The following PLA1A variants were observed in gnomAD, a reference collection of about 807,000 sequenced individuals.
The protein encoded by PLA1A is phosphatidylserine-specific phospholipase A1alpha.
A neutral mutation model predicts 49.4 loss-of-function variants in PLA1A; 47 were observed. The ratio of observed to expected loss-of-function variants is 0.95; its 90% CI spans 0.75 to 1.21. The LOEUF is 1.21. Among genes scored for constraint, PLA1A ranks in the 50% most tolerant of loss-of-function variants. The pLI, the probability that PLA1A is intolerant of heterozygous loss-of-function variation, is 0.00. For synonymous variants in PLA1A, 224 were observed against 207.9 expected (o/e 1.08, Z -0.67); for missense variants, 561 against 563.9 (o/e 0.99, Z 0.05).
At chr3:119,624,833 G>A (rs913822366) in intron 8 of PLA1A, among the ~76,000 whole-genome samples, 1 of 152,160 alleles carries the variant, frequency 6.6e-6, no homozygotes, top group Non-Finnish European at 1.5e-5. Flanking sequence ...GTTTCACCAT[G>A]TTGGTCAGAC....
intron 5 of PLA1A, among the ~76,000 whole-genome samples, 188 bp downstream of exon 5, chr3:119,613,306 T>C (rs545780296): frequency 1.3e-5 from 2 of 152,234 alleles, no homozygotes; most frequent in African/African-American, 4.8e-5. Context: ...CTGAGGTGAA[T>C]GGTTGTATTT....
At chr3:119,616,433 C>T (rs943033459) in intron 6 of PLA1A, among the ~76,000 whole-genome samples, 5 of 152,188 alleles carry the variant, frequency 3.3e-5, no homozygotes, top group African/African-American at 1.2e-4. Context: ...AAACAGTCCT[C>T]TAAAATTGTT....
chr3:119,624,991 G>A, intron 8 of PLA1A, 133 bp from the exon 9 acceptor site: 1 of 608,838 alleles, frequency 1.6e-6, no homozygotes, highest in Non-Finnish European at 3.0e-6. Flanking sequence ...TGAGATTATA[G>A]GTGATCTGCT....
At position 119,613,126 on chromosome 3, in the gene PLA1A, G is replaced by A; in HGVS notation, c.664+8G>A. 1 of 1,581,762 alleles carries A rather than the reference G, an allele frequency of 6.3e-7. No homozygotes were observed. The highest frequency in any genetic ancestry group is 8.6e-7 in the Non-Finnish European group (1 of 1,156,150). On this transcript the variant is annotated splice_region_variant and intron_variant, in intron 5 of 10. Coordinates refer to ENST00000273371, the MANE Select transcript of PLA1A (RefSeq NM_015900.4). ...TCCACACAGACACCGACAGTGAGCT[G>A]GGGTGACCTTCCTGGGATGAGGGAA...
intron 5 of PLA1A, among the ~76,000 whole-genome samples, chr3:119,615,768 G>A (rs534665818): frequency 4.3e-4 from 66 of 151,824 alleles, no homozygotes; most frequent in South Asian, 1.0e-3. Context: ...AGAAGATGGC[G>A]CCACTGCACT....
chr3:119,621,943 G>C (rs371374060), intron 8 of PLA1A, among the ~76,000 whole-genome samples: 1 of 152,146 alleles, frequency 6.6e-6, no homozygotes, highest in East Asian at 1.9e-4. Context: ...AGTAGGCCAG[G>C]TGCAGTGGCT....
chr3:119,617,218 T>G (rs959080161), intron 6 of PLA1A, among the ~76,000 whole-genome samples: 9 of 152,178 alleles, frequency 5.9e-5, no homozygotes, highest in Non-Finnish European at 1.3e-4. Flanking sequence ...GGCATATCAG[T>G]CATTTGGCCC....
In PLA1A at chr3:119,607,079, T is replaced by C. The variant is rs535602362; in HGVS notation, c.275+104T>C. 3.9e-5 allele frequency: 34 copies of C among 878,412 alleles called. No homozygotes were observed. The Admixed American group carries it at 5.3e-4, about 14-fold the overall frequency. 54.4% of individuals were successfully genotyped at this position (878,412 alleles called of 1,614,324 possible). On this transcript the variant is annotated intron_variant, in intron 2 of 10. Transcript: ENST00000273371. ...ACAAGGGGAGGAATGAATTTACCAA[T>C]GGCCACATGTTCCATCCCTCATATC... is the stretch of plus-strand genomic sequence containing the variant.
At chr3:119,602,411 G>A (rs1231492556) in intron 1 of PLA1A, among the ~76,000 whole-genome samples, 1 of 152,070 alleles carries the variant, frequency 6.6e-6, no homozygotes, top group East Asian at 1.9e-4. Flanking sequence ...CCATTTTCTA[G>A]CAAAATATCA....
intron 9 of PLA1A, among the ~76,000 whole-genome samples, chr3:119,627,858 C>T (rs529879908): frequency 7.2e-5 from 11 of 152,330 alleles, no homozygotes; most frequent in South Asian, 4.1e-4. Flanking sequence ...TTGAATCTCA[C>T]GATTTTTTGC....
At chr3:119,602,524 C>A (rs1454126295) in intron 1 of PLA1A, among the ~76,000 whole-genome samples, 4 of 152,068 alleles carry the variant, frequency 2.6e-5, no homozygotes, top group Non-Finnish European at 4.4e-5. Context: ...TTACTTTTAA[C>A]TTCCCTTTGT....
intron 1 of PLA1A, chr3:119,598,657 T>G (rs2082572987): frequency 6.6e-6 from 1 of 152,236 alleles, no homozygotes; most frequent in African/African-American, 2.4e-5. Flanking sequence ...ATCCCCTCCC[T>G]CTACTCACAA....
intron 1 of PLA1A, among the ~76,000 whole-genome samples, chr3:119,606,426 G>T (rs1237031829): frequency 6.6e-6 from 1 of 152,190 alleles, no homozygotes; most frequent in East Asian, 1.9e-4. Flanking sequence ...TCCAAATACA[G>T]TCACATTCTG....
intron 7 of PLA1A, among the ~76,000 whole-genome samples, chr3:119,618,479 A>T (rs563762925): frequency 9.5e-4 from 144 of 151,980 alleles, no homozygotes; most frequent in African/African-American, 3.3e-3. Flanking sequence ...GGTCTTTCTC[A>T]CTTCTGGCCA....
chr3:119,619,211 C>T (rs1391358183), intron 7 of PLA1A, among the ~76,000 whole-genome samples: 1 of 152,230 alleles, frequency 6.6e-6, no homozygotes, highest in East Asian at 1.9e-4. Context: ...TCAAACACTT[C>T]CTGCTTCACC....
intron 4 of PLA1A, among the ~76,000 whole-genome samples, chr3:119,611,174 A>G (rs898936128): frequency 2.6e-5 from 4 of 152,050 alleles, no homozygotes; most frequent in Non-Finnish European, 5.9e-5. Context: ...CCATTGGCCT[A>G]TGTATCTATT....
intron 8 of PLA1A, among the ~76,000 whole-genome samples, chr3:119,621,432 T>C (rs550547262): frequency 6.6e-6 from 1 of 152,210 alleles, no homozygotes; most frequent in East Asian, 1.9e-4. Flanking sequence ...CCTGGACAGA[T>C]ATGGGTAGGG....
intron 1 of PLA1A, among the ~76,000 whole-genome samples, chr3:119,605,213 G>A (rs2082670036): frequency 6.6e-6 from 1 of 152,228 alleles, no homozygotes. Context: ...AGAGCTTAGG[G>A]CCGGCACTCT....
At chr3:119,624,351 T>G (rs1177247103) in intron 8 of PLA1A, among the ~76,000 whole-genome samples, 1 of 152,152 alleles carries the variant, frequency 6.6e-6, no homozygotes, top group Non-Finnish European at 1.5e-5. Flanking sequence ...CCTTCATGAC[T>G]TAATCCCTTC....
Sources: gnomAD v4.1 joint callset for allele counts (sites outside exome capture counted in the v4.1 genomes callset) on GRCh38, gnomAD v4.1.1 for gene constraint, MANE v1.5 for transcripts, NCBI Gene and HGNC (gene_info 2026-07-23, HGNC 2026-07-21) for gene names.